OLFML2A: variants seen among roughly 807,000 people sequenced by gnomAD.
OLFML2A encodes olfactomedin-like protein 2A.
Under a neutral mutation model 60.9 loss-of-function variants are expected in OLFML2A, and 47 were observed. The ratio of observed to expected loss-of-function variants is 0.77; its 90% confidence interval spans 0.61 to 0.98. The LOEUF is 0.98. OLFML2A is among the 50% of genes least tolerant of loss of function. OLFML2A has a pLI of 0.00. For missense variants in OLFML2A, 922 were observed against 879.8 expected (o/e 1.05, Z -0.61); for synonymous variants, 372 against 375.0 (o/e 0.99, Z 0.09).
At chr9:124,793,030 C>T (rs1227867513) in intron 2 of OLFML2A, among the ~76,000 whole-genome samples, 1 of 152,210 alleles carries the variant, frequency 6.6e-6, no homozygotes, top group Admixed American at 6.5e-5. Flanking sequence ...TCAGCTTCTG[C>T]TCAAAGAAAA....
chr9:124,791,499 G>A lies in OLFML2A; in HGVS notation c.355-3525G>A, dbSNP rs551924249. ...TGAGTGTAATCCCAGCTCTTTGGGAGGCCAAGACAGGTGGATCACCTGAGG... is the reference window on the plus strand; with the variant it reads ...TGAGTGTAATCCCAGCTCTTTGGGAAGCCAAGACAGGTGGATCACCTGAGG... On this transcript the variant is annotated intron_variant, in intron 2 of 7. Coordinates refer to ENST00000373580, the MANE Select transcript of OLFML2A (RefSeq NM_182487.4). Among the ~76,000 whole-genome samples, 17 of 152,302 alleles carry A rather than the reference G, an allele frequency of 1.1e-4. 1 individual carries two copies. In the South Asian group the frequency reaches 3.5e-3, roughly 32 times the overall value.
chr9:124,801,542 C>T lies in OLFML2A; in HGVS notation c.798C>T (p.Ser266=), dbSNP rs147191015. Residue 266 remains serine (S), a synonymous_variant, in exon 5 of 8, where the codon AGC becomes AGT. Transcript: ENST00000373580. ...AGGTGGAGAAGCTGAGAAAGGAGAG[C>T]GGCAAGGGCAGTTTCCTCCAGCCCA... is the stretch of plus-strand genomic sequence containing the variant. ...LLQVEKLRKE[S]GKGSFLQPTA... 8.4e-5 allele frequency: 136 copies of T among 1,614,084 alleles called. No individual in the cohort carries two copies. In the African/African-American group the frequency reaches 1.5e-3, roughly 17 times the overall value.
In OLFML2A at chr9:124,804,175, C is replaced by G; in HGVS notation, c.1001C>G (p.Ser334Cys). The change falls in exon 6 of 8, where the codon TCC (serine) becomes TGC (cysteine). Residue 334 changes from serine to cysteine, a missense_variant. Transcript: ENST00000373580. ...AGGTCCAACTCCGCAGAGCCCAACT[C>G]CGCAGAGCAGGATGAGGCTGAGCCC... Reference protein sequence around the residue: ...EGRSNSAEPNSAEQDEAEPRS... With the variant: ...EGRSNSAEPNCAEQDEAEPRS... 6.2e-7 allele frequency: 1 copy of G among 1,614,122 alleles called. No homozygotes were observed. Among genetic ancestry groups the G allele is most frequent in the South Asian group, 1.1e-5 (1 of 91,082 alleles).
rs1564290281 is a variant in OLFML2A at position 124,810,164 on chromosome 9, CGGCG to C, written c.1713_1716del (p.Arg572ThrfsTer122). On this transcript the variant is annotated frameshift_variant, in exon 8 of 8. Coordinates refer to ENST00000373580, the MANE Select transcript of OLFML2A (RefSeq NM_182487.4). LOFTEE classifies it high-confidence loss of function. ...GGAGACCACGTGGAAGACACGGCTG[CGGCG>C]GAACTCCTACGGGAACTGCTTCCTG... The C allele has an allele frequency of 6.2e-7, 1 of 1,613,880 alleles. No individual in the cohort carries two copies. The highest frequency in any genetic ancestry group is 8.5e-7 in the Non-Finnish European group (1 of 1,180,008).
At chr9:124,796,673 A>T (rs1841675965) in intron 3 of OLFML2A, among the ~76,000 whole-genome samples, 1 of 152,142 alleles carries the variant, frequency 6.6e-6, no homozygotes, top group African/African-American at 2.4e-5. Flanking sequence ...CAAAGGGAAA[A>T]ACCTCCCGGG....
At chr9:124,799,718 A>C (rs985747134) in intron 4 of OLFML2A, among the ~76,000 whole-genome samples, 14 of 152,192 alleles carry the variant, frequency 9.2e-5, no homozygotes, top group Admixed American at 9.2e-4. Flanking sequence ...GGATCCTGCC[A>C]AGGGGGCTGG....
chr9:124,809,921 G>A lies in OLFML2A; in HGVS notation c.1468G>A (p.Asp490Asn), dbSNP rs565853896. 6.8e-6 allele frequency: 11 copies of A among 1,614,186 alleles called. No homozygotes were observed. The highest frequency in any genetic ancestry group is 5.0e-5 in the Admixed American group (3 of 60,022). Residue 490 changes from aspartate to asparagine, a missense_variant, in exon 8 of 8, where the codon GAC becomes AAC. Transcript: ENST00000373580. ...RAFTKNIIKY[D>N]LRQRFVASWA... ...CTTCACCAAGAACATCATCAAGTAC[G>A]ACCTACGGCAGCGCTTCGTGGCCTC...
chr9:124,794,487 G>A (rs186334609), intron 2 of OLFML2A, among the ~76,000 whole-genome samples: 14 of 151,268 alleles, frequency 9.3e-5, no homozygotes, highest in African/African-American at 2.7e-4. Context: ...CGCCTGGCAC[G>A]TGGTAAGGGC....
chr9:124,796,032 T>C (rs1220760352), intron 3 of OLFML2A, among the ~76,000 whole-genome samples: 1 of 152,220 alleles, frequency 6.6e-6, no homozygotes, highest in Non-Finnish European at 1.5e-5. Context: ...TCCGCCTGTT[T>C]CCTGCATCCG....
At chr9:124,798,156 T>G (rs1841701131) in intron 3 of OLFML2A, among the ~76,000 whole-genome samples, 1 of 152,388 alleles carries the variant, frequency 6.6e-6, no homozygotes, top group Admixed American at 6.5e-5. Flanking sequence ...GTATTATGTA[T>G]ACAATTTTAA....
chr9:124,810,086 C>A lies in OLFML2A; in HGVS notation c.1633C>A (p.Pro545Thr). Residue 545 changes from proline to threonine, a missense_variant, in exon 8 of 8, where the codon CCC (proline) becomes ACC (threonine). Physicochemically the swap from Pro to Thr is conservative, Grantham distance 38. Coordinates refer to ENST00000373580, the MANE Select transcript of OLFML2A (RefSeq NM_182487.4). Reference protein sequence around the residue: ...PAVDDRDEAQPEVIVLSRLDP... With the variant: ...PAVDDRDEAQTEVIVLSRLDP... ...CGTGGACGACCGCGATGAGGCCCAGCCCGAGGTGATCGTCCTGAGTCGCTT... is the reference window on the plus strand; with the variant it reads ...CGTGGACGACCGCGATGAGGCCCAGACCGAGGTGATCGTCCTGAGTCGCTT... The A allele has an allele frequency of 1.9e-6, 3 of 1,613,784 alleles. No homozygotes were observed. Among genetic ancestry groups the A allele is most frequent in the Non-Finnish European group, 2.5e-6 (3 of 1,180,006 alleles).
At chr9:124,791,020 T>G (rs1233329266) in intron 2 of OLFML2A, among the ~76,000 whole-genome samples, 1 of 152,200 alleles carries the variant, frequency 6.6e-6, no homozygotes, top group Non-Finnish European at 1.5e-5. Context: ...GGGTGCCTTT[T>G]CACCTCCCCA....
At chr9:124,792,800 T>C (rs1841592788) in intron 2 of OLFML2A, among the ~76,000 whole-genome samples, 1 of 152,174 alleles carries the variant, frequency 6.6e-6, no homozygotes, top group Non-Finnish European at 1.5e-5. Context: ...GCTCTGTCCA[T>C]ACACTGCTGC....
rs376482827 is a variant in OLFML2A, at chr9:124,809,944, C to T, written c.1491C>T (p.Ala497=). 3.1e-6 allele frequency: 5 copies of T among 1,614,082 alleles called. No homozygotes were observed. The African/African-American group carries it at 5.3e-5, about 17-fold the overall frequency. ...ACGACCTACGGCAGCGCTTCGTGGC[C>T]TCCTGGGCGCTGCTGCCCGACGTGG... The part of the protein sequence containing the change: ...IKYDLRQRFV[A]SWALLPDVVY... The change falls in exon 8 of 8, where the codon GCC becomes GCT. Residue 497 remains alanine, a synonymous_variant. Coordinates refer to ENST00000373580, the MANE Select transcript of OLFML2A (RefSeq NM_182487.4).
At position 124,777,187 on chromosome 9, in the gene OLFML2A, G is replaced by A; in HGVS notation, c.-84G>A. 1 of 459,938 alleles carries A rather than the reference G, an allele frequency of 2.2e-6. No individual in the cohort carries two copies. The highest frequency in any genetic ancestry group is 3.4e-6 in the Non-Finnish European group (1 of 294,658). 28.5% of individuals were successfully genotyped at this position (459,938 alleles called of 1,614,324 possible). ...GCGCGGGGCGCGGGGCAGGCAGAGC[G>A]GGCGAAGGCGCGGAGCTCGCAGTGC... is the stretch of plus-strand genomic sequence containing the variant. On this transcript the variant is annotated 5_prime_UTR_variant, in exon 1 of 8. Coordinates refer to ENST00000373580, the MANE Select transcript of OLFML2A (RefSeq NM_182487.4). This position sits in a 1 kb window ranked among gnomAD's most constrained non-coding sequence, Gnocchi z 6.2.
Position 124,804,313 on chromosome 9 carries a change from CA to C in OLFML2A, c.1140del (p.Pro381LeufsTer26). 1 of 1,551,930 alleles carries C rather than the reference CA, an allele frequency of 6.4e-7. No individual in the cohort carries two copies. Among genetic ancestry groups the C allele is most frequent in the Non-Finnish European group, 8.7e-7 (1 of 1,148,704 alleles). On this transcript the variant is annotated frameshift_variant, in exon 6 of 8. Transcript: ENST00000373580. LOFTEE classifies it high-confidence loss of function. ...ACCACCAGTCTCCTGCCCACCGAGC[CA>C]CCTTCAGGTCCAGAAGTCTCCAGCC... ...TPTTSLLPTEPPSGPEVSSQG... is the reference protein window; with the variant it reads ...TPTTSLLPTEXPSGPEVSSQG...
At chr9:124,804,022 A>T in intron 5 of OLFML2A, 72 bp from the exon 6 acceptor site, 4 of 1,544,006 alleles carry the variant, frequency 2.6e-6, no homozygotes, top group Non-Finnish European at 3.5e-6. Flanking sequence ...ATGGGGGCCC[A>T]GTGGACCTTA....
At position 124,787,093 on chromosome 9, in the gene OLFML2A, G is replaced by A. The variant is rs754706529; in HGVS notation, c.209G>A (p.Arg70His). ...AGCCGAGTGCGCAGTGGGCGGGCAC[G>A]CGTGGAGGACTTCTACACGGTGGAG... ...ACSRVRSGRA[R>H]VEDFYTVETV... The change falls in exon 2 of 8, where the codon CGC becomes CAC. Residue 70 changes from arginine (R) to histidine (H), a missense_variant. By Grantham distance (29) the Arg-to-His change is conservative (BLOSUM62 0). Transcript: ENST00000373580. 2.4e-5 allele frequency: 38 copies of A among 1,614,054 alleles called. No individual in the cohort carries two copies. Among genetic ancestry groups the A allele is most frequent in the Non-Finnish European group, 2.9e-5 (34 of 1,180,052 alleles).
Position 124,809,849 on chromosome 9 carries a change from G to T in OLFML2A, c.1396G>T (p.Gly466Cys). 1 of 1,613,520 alleles carries T rather than the reference G, an allele frequency of 6.2e-7. No homozygotes were observed. Among genetic ancestry groups the T allele is most frequent in the Non-Finnish European group, 8.5e-7 (1 of 1,179,632 alleles). ...GTACAAGCTACCCTACAACTGGATC[G>T]GCACAGGCCACGTGGTGTACCAGGG... is the stretch of plus-strand genomic sequence containing the variant. ...NMYKLPYNWI[G>C]TGHVVYQGAF... Residue 466 changes from glycine to cysteine, a missense_variant, in exon 8 of 8, where the codon GGC (glycine) becomes TGC (cysteine). Coordinates refer to ENST00000373580, the MANE Select transcript of OLFML2A (RefSeq NM_182487.4).
Sources: allele counts gnomAD v4.1 joint callset (sites outside exome capture counted in the v4.1 genomes callset), GRCh38; gene constraint gnomAD v4.1.1; non-coding constraint Gnocchi (gnomAD v3.1); transcripts MANE v1.5; gene names NCBI Gene and HGNC (gene_info 2026-07-23, HGNC 2026-07-21).